The following NRXN1 variants were observed in gnomAD, a reference collection of about 807,000 sequenced individuals.
NRXN1 encodes the protein neurexin 1.
Under a neutral mutation model 150.9 loss-of-function variants are expected in NRXN1, and 39 were observed. The ratio of observed to expected loss-of-function variants is 0.26; its 90% confidence interval spans 0.20 to 0.34. The LOEUF is 0.34. Among genes scored for constraint, NRXN1 ranks in the 10% least tolerant of loss-of-function variants. The pLI, the probability that NRXN1 is intolerant of heterozygous loss-of-function variation, is 1.00. For synonymous variants in NRXN1, 924 were observed against 757.0 expected (o/e 1.22, Z -3.62); for missense variants, 1,815 against 1,949.9 (o/e 0.93, Z 1.30).
At chr2:50,328,596 C>T (rs567969433) in intron 17 of NRXN1, among the ~76,000 whole-genome samples, 1 of 151,994 alleles carries the variant, frequency 6.6e-6, no homozygotes, top group African/African-American at 2.4e-5. Flanking sequence ...AAATAGCTGG[C>T]ATAGTGGTGG....
At chr2:50,894,359 T>A (rs1431553854) in intron 5 of NRXN1, among the ~76,000 whole-genome samples, 2 of 150,646 alleles carry the variant, frequency 1.3e-5, no homozygotes, top group Middle Eastern at 3.4e-3. Flanking sequence ...ATTCTCAGAA[T>A]AAAATTAATA....
intron 17 of NRXN1, among the ~76,000 whole-genome samples, chr2:50,264,747 G>A (rs2068662210): frequency 6.6e-6 from 1 of 151,982 alleles, no homozygotes; most frequent in East Asian, 1.9e-4. Flanking sequence ...TGTACACACG[G>A]CAGGAAGAAC....
intron 8 of NRXN1, among the ~76,000 whole-genome samples, chr2:50,567,425 G>A (rs376639866): frequency 6.6e-6 from 1 of 152,052 alleles, no homozygotes; most frequent in Admixed American, 6.6e-5. Flanking sequence ...CTTGGGTGAG[G>A]GGTCAGGTAA....
intron 18 of NRXN1, among the ~76,000 whole-genome samples, chr2:50,114,718 G>A (rs1041764079): frequency 3.3e-5 from 5 of 152,038 alleles, no homozygotes; most frequent in African/African-American, 1.2e-4. Context: ...ACATGGGGAA[G>A]TCTTAAATGC....
intron 18 of NRXN1, among the ~76,000 whole-genome samples, chr2:50,224,885 A>AT (rs948348190): frequency 7.2e-5 from 11 of 151,966 alleles, no homozygotes; most frequent in African/African-American, 2.7e-4. Flanking sequence ...AATATATCAC[A>AT]TAAGTTTTTG....
At chr2:50,190,094 G>C (rs578052926) in intron 18 of NRXN1, among the ~76,000 whole-genome samples, 445 of 152,176 alleles carry the variant, frequency 2.9e-3, no homozygotes, top group Middle Eastern at 6.8e-3. Flanking sequence ...TGAAAATGGA[G>C]ACACTACATT....
At chr2:50,886,711 C>G (rs1680304570) in intron 5 of NRXN1, among the ~76,000 whole-genome samples, 1 of 151,310 alleles carries the variant, frequency 6.6e-6, no homozygotes, top group African/African-American at 2.4e-5. Context: ...AAACAGTAAG[C>G]TGACTGAACA....
chr2:50,949,392 A>G (rs572626977), intron 2 of NRXN1, among the ~76,000 whole-genome samples: 1 of 152,172 alleles, frequency 6.6e-6, no homozygotes, highest in East Asian at 1.9e-4. Flanking sequence ...GCATCAAGAA[A>G]TAGACTTGGC....
intron 17 of NRXN1, among the ~76,000 whole-genome samples, chr2:50,294,970 G>T (rs868726925): frequency 1.3e-5 from 2 of 152,146 alleles, no homozygotes; most frequent in Non-Finnish European, 2.9e-5. Flanking sequence ...ATTACTGTTT[G>T]GTCCAGCCCT....
intron 19 of NRXN1, among the ~76,000 whole-genome samples, chr2:50,081,599 G>T (rs1027779135): frequency 1.3e-5 from 2 of 152,156 alleles, no homozygotes; most frequent in South Asian, 4.1e-4. Flanking sequence ...GATACGAAAA[G>T]TGGGTAGACA....
In NRXN1 at chr2:50,512,871, G is replaced by T. The variant is rs545747027; in HGVS notation, c.2375-6254C>A. ...AACCTCACTGCCATACACAGTTTCG[G>T]AAGCAGTGATGAAACGGGTGTGTTT... On this transcript the variant is annotated intron_variant, in intron 12 of 22. Transcript: ENST00000401669. Among the ~76,000 whole-genome samples, 5 of 152,286 alleles carry T rather than the reference G, an allele frequency of 3.3e-5. No homozygotes were observed. In the South Asian group the frequency reaches 1.0e-3, roughly 32 times the overall value.
intron 5 of NRXN1, among the ~76,000 whole-genome samples, chr2:50,766,134 T>A (rs952469393): frequency 6.6e-6 from 1 of 152,004 alleles, no homozygotes; most frequent in African/African-American, 2.4e-5. Context: ...AAAAAATACA[T>A]TGCTTTCACA....
At chr2:50,986,286 G>A (rs1227256803) in intron 2 of NRXN1, among the ~76,000 whole-genome samples, 3 of 151,706 alleles carry the variant, frequency 2.0e-5, no homozygotes, top group Non-Finnish European at 4.4e-5. Flanking sequence ...TAAATTGGCA[G>A]TAGTTTGCTC....
At chr2:50,701,667 A>G (rs1693763267) in intron 5 of NRXN1, among the ~76,000 whole-genome samples, 1 of 152,094 alleles carries the variant, frequency 6.6e-6, no homozygotes, top group Non-Finnish European at 1.5e-5. Flanking sequence ...TTAATCTTCT[A>G]CTCATTCAGT....
At chr2:49,943,330 G>A (rs1001210859) in intron 22 of NRXN1, among the ~76,000 whole-genome samples, 10 of 152,248 alleles carry the variant, frequency 6.6e-5, no homozygotes, top group African/African-American at 1.9e-4. Flanking sequence ...CAGTAGAAAG[G>A]TCAAATAATT....
intron 5 of NRXN1, among the ~76,000 whole-genome samples, chr2:50,793,796 C>G (rs1232345213): frequency 2.0e-5 from 3 of 151,976 alleles, no homozygotes; most frequent in Admixed American, 1.3e-4. Flanking sequence ...AGCCTGGAAC[C>G]CCCAGAGGAC....
intron 18 of NRXN1, among the ~76,000 whole-genome samples, chr2:50,122,796 A>G (rs986253217): frequency 1.3e-5 from 2 of 152,206 alleles, no homozygotes; most frequent in African/African-American, 4.8e-5. Flanking sequence ...ACAATAAATT[A>G]TCAAGTAATC....
rs111706013 is a variant in NRXN1, at chr2:50,689,404, T to C, written c.833-65789A>G. ...CAATTATCACCACTACAAATCAATA[T>C]AGGTAATCACTTGCATACACCAAGA... On this transcript the variant is annotated intron_variant, in intron 5 of 22. Transcript: ENST00000401669. Among the ~76,000 whole-genome samples the C allele has an allele frequency of 1.7e-3, 255 of 152,256 alleles. 5 individuals carry two copies. Among genetic ancestry groups the C allele is most frequent in the African/African-American group, 5.9e-3 (247 of 41,544 alleles).
intron 18 of NRXN1, among the ~76,000 whole-genome samples, chr2:50,130,352 T>C (rs1705288941): frequency 6.6e-6 from 1 of 152,068 alleles, no homozygotes; most frequent in African/African-American, 2.4e-5. Flanking sequence ...GGAGCAATAA[T>C]GTCCTTCTTA....
Sources: gnomAD v4.1 joint callset for allele counts (sites outside exome capture counted in the v4.1 genomes callset) on GRCh38, gnomAD v4.1.1 for gene constraint, MANE v1.5 for transcripts, NCBI Gene and HGNC (gene_info 2026-07-23, HGNC 2026-07-21) for gene names.